The following NPFFR2 variants were observed in gnomAD, a reference collection of about 807,000 sequenced individuals.
NPFFR2 encodes G-protein coupled receptor 74.
Under a neutral mutation model 13.1 loss-of-function variants are expected in NPFFR2, and 15 were observed. That is an observed-to-expected ratio of 1.15 (90% confidence interval 0.77 to 1.76). The LOEUF (loss-of-function observed/expected upper bound fraction) is 1.76, where lower values mean the gene tolerates loss of function less well. Ranked by LOEUF, NPFFR2 falls within the 40% of genes most tolerant of loss-of-function variation. NPFFR2 has a pLI of 0.00. For missense variants in NPFFR2, 572 were observed against 503.5 expected, an observed-to-expected ratio of 1.14 and a Z score of -1.30; for synonymous variants, 190 against 175.7, an observed-to-expected ratio of 1.08 and a Z score of -0.65.
chr4:72,059,919 A>G (rs964309815), intron 1 of NPFFR2, among the ~76,000 whole-genome samples: 13 of 152,102 alleles, frequency 8.5e-5, no homozygotes, highest in African/African-American at 3.1e-4. Context: ...CAAATCCTGG[A>G]AGACCTGGTT....
Position 72,051,017 on chromosome 4 carries a change from G to C in NPFFR2, c.-8+18817G>C, listed in dbSNP as rs1317669498. 3.3e-5 allele frequency among the ~76,000 whole-genome samples: 5 copies of C among 151,880 alleles called. No homozygotes were observed. The South Asian group carries it at 1.0e-3, about 31-fold the overall frequency. On this transcript the variant is annotated intron_variant, in intron 1 of 3. Transcript: ENST00000308744. ...TTTCTTAATCCAGTCTATCATTGTT[G>C]TACATTTGGGTTGGTTCCAAGTCTT...
chr4:72,134,393 T>G (rs919400928), intron 2 of NPFFR2, among the ~76,000 whole-genome samples: 2 of 152,168 alleles, frequency 1.3e-5, no homozygotes, highest in Non-Finnish European at 2.9e-5. Flanking sequence ...TTTTCAATAT[T>G]TTTCCTTCAA....
chr4:72,112,580 G>C (rs991024840), intron 1 of NPFFR2, among the ~76,000 whole-genome samples: 1 of 151,964 alleles, frequency 6.6e-6, no homozygotes, highest in African/African-American at 2.4e-5. Context: ...TTCATTATCT[G>C]TGCCAGAAAC....
chr4:72,142,671 G>A (rs1364262087), intron 3 of NPFFR2, among the ~76,000 whole-genome samples: 1 of 152,100 alleles, frequency 6.6e-6, no homozygotes, highest in African/African-American at 2.4e-5. Context: ...TAAATAATTG[G>A]AGATGGTAAA....
At chr4:72,103,316 A>G (rs1053203356) in intron 1 of NPFFR2, among the ~76,000 whole-genome samples, 3 of 152,094 alleles carry the variant, frequency 2.0e-5, no homozygotes, top group African/African-American at 7.2e-5. Flanking sequence ...GAGGAGCCAA[A>G]TGGGAGGTGT....
intron 1 of NPFFR2, among the ~76,000 whole-genome samples, chr4:72,046,557 G>T (rs1245391457): frequency 6.6e-6 from 1 of 152,090 alleles, no homozygotes; most frequent in Non-Finnish European, 1.5e-5. Context: ...GTTACTCAGT[G>T]TGTGGTACTC....
At chr4:72,095,099 A>T (rs1244674364) in intron 1 of NPFFR2, among the ~76,000 whole-genome samples, 1 of 151,994 alleles carries the variant, frequency 6.6e-6, no homozygotes, top group Non-Finnish European at 1.5e-5. Context: ...TCGTTAATGA[A>T]TTTTTTTTGA....
chr4:72,062,077 A>AG, intron 1 of NPFFR2, among the ~76,000 whole-genome samples: 1 of 30,480 alleles, frequency 3.3e-5, no homozygotes, highest in Non-Finnish European at 2.8e-4. Context: ...TTTGGTACTC[A>AG]ATTTTTTTTT....
intron 1 of NPFFR2, among the ~76,000 whole-genome samples, chr4:72,070,654 T>C (rs1334788118): frequency 1.3e-5 from 2 of 151,192 alleles, no homozygotes; most frequent in Non-Finnish European, 2.9e-5. Context: ...CACAAATGCC[T>C]GAGGACCCTC....
rs531878494 is a variant in NPFFR2 at position 72,106,401 on chromosome 4, A to G, written c.-7-22184A>G. On this transcript the variant is annotated intron_variant, in intron 1 of 3. Transcript: ENST00000308744. ...GAGTTAACTTTGGTACTCTATAGTG[A>G]GGTGAATTGTCAGATTTCTCACGGC... Among the ~76,000 whole-genome samples, 7 of 152,192 alleles carry G rather than the reference A, an allele frequency of 4.6e-5. No homozygotes were observed. In the South Asian group the frequency reaches 1.4e-3, roughly 32 times the overall value.
intron 1 of NPFFR2, among the ~76,000 whole-genome samples, chr4:72,111,285 C>A (rs565225853): frequency 6.6e-6 from 1 of 152,130 alleles, no homozygotes; most frequent in African/African-American, 2.4e-5. Flanking sequence ...ATACTTCTGG[C>A]AATATAGTAA....
At chr4:72,052,759 A>G (rs1335462930) in intron 1 of NPFFR2, among the ~76,000 whole-genome samples, 1 of 152,042 alleles carries the variant, frequency 6.6e-6, no homozygotes, top group African/African-American at 2.4e-5. Flanking sequence ...TTTTAAGCCT[A>G]ATAAGAAACA....
At chr4:72,146,379 A>G (rs756786756) in intron 3 of NPFFR2, among the ~76,000 whole-genome samples, 1 of 152,172 alleles carries the variant, frequency 6.6e-6, no homozygotes, top group African/African-American at 2.4e-5. Flanking sequence ...CCTGCCCCAC[A>G]TGCAAGTGTA....
At chr4:72,076,022 GC>G in intron 1 of NPFFR2, among the ~76,000 whole-genome samples, 1 of 89,422 alleles carries the variant, frequency 1.1e-5, no homozygotes, top group South Asian at 3.8e-4. Context: ...GAGAGAGAGG[GC>G]AGACAGCACA....
At chr4:72,110,936 T>C (rs115976041) in intron 1 of NPFFR2, among the ~76,000 whole-genome samples, 2,717 of 152,032 alleles carry the variant, frequency 0.018, 87 homozygotes, top group African/African-American at 0.062. Context: ...CATTCTTAGA[T>C]TGAAGAAAAC....
chr4:72,122,804 A>G (rs977846325), intron 1 of NPFFR2, among the ~76,000 whole-genome samples: 1 of 152,242 alleles, frequency 6.6e-6, no homozygotes. Flanking sequence ...AAAGCAGGAA[A>G]GATCTAAAAT....
chr4:72,058,796 C>T (rs1042493323), intron 1 of NPFFR2, among the ~76,000 whole-genome samples: 3 of 151,966 alleles, frequency 2.0e-5, no homozygotes, highest in African/African-American at 7.3e-5. Flanking sequence ...CTTTCAAGTA[C>T]AATTGGATCT....
intron 1 of NPFFR2, among the ~76,000 whole-genome samples, chr4:72,072,207 A>G (rs1208940889): frequency 6.6e-6 from 1 of 152,228 alleles, no homozygotes; most frequent in Non-Finnish European, 1.5e-5. Flanking sequence ...TGGCTAATTC[A>G]AAGGAAAACC....
chr4:72,068,764 G>A (rs539784879), intron 1 of NPFFR2: 1 of 314,120 alleles, frequency 3.2e-6, no homozygotes, highest in South Asian at 1.3e-4. Flanking sequence ...AGACCGCATA[G>A]AATAACGGTT....
Sources: gnomAD v4.1 joint callset for allele counts (sites outside exome capture counted in the v4.1 genomes callset) on GRCh38, gnomAD v4.1.1 for gene constraint, MANE v1.5 for transcripts, NCBI Gene and HGNC (gene_info 2026-07-23, HGNC 2026-07-21) for gene names.